The following HCN1 variants were observed in gnomAD, a reference collection of about 807,000 sequenced individuals.
HCN1 encodes hyperpolarization activated cyclic nucleotide gated potassium channel 1.
In HCN1, 13 loss-of-function variants were observed where a neutral mutation model predicts 78.9. That is an observed-to-expected ratio of 0.16 (90% confidence interval 0.11 to 0.26). The LOEUF is 0.26. Ranked by LOEUF, HCN1 falls within the 10% of genes least tolerant of loss-of-function variation. HCN1 has a pLI of 1.00. For missense variants in HCN1, 810 were observed against 1,154.3 expected (o/e 0.70, Z 4.32); for synonymous variants, 552 against 455.5 (o/e 1.21, Z -2.70).
chr5:45,642,476 AAGATGGAAGCAGCTTCCTAT>A (rs1286351427), intron 2 of HCN1: 1 of 152,102 alleles, frequency 6.6e-6, no homozygotes, highest in Non-Finnish European at 1.5e-5. Context: ...TGTATTGTTG[AAGATGGAAGCAGCTTCCTAT>A]AGAAGGCAGC....
At chr5:45,300,790 A>G (rs1057094416) in intron 6 of HCN1, among the ~76,000 whole-genome samples, 1 of 151,960 alleles carries the variant, frequency 6.6e-6, no homozygotes, top group Non-Finnish European at 1.5e-5. Flanking sequence ...TTTCCCCTTC[A>G]TTCAAACATT....
In HCN1 at chr5:45,338,348, T is replaced by C. The variant is rs548931291; in HGVS notation, c.1377+14752A>G. Among the ~76,000 whole-genome samples, 4 of 152,274 alleles carry C rather than the reference T, an allele frequency of 2.6e-5. No individual in the cohort carries two copies. The South Asian group carries it at 8.3e-4, about 32-fold the overall frequency. On this transcript the variant is annotated intron_variant, in intron 5 of 7. Coordinates refer to ENST00000303230, the MANE Select transcript of HCN1 (RefSeq NM_021072.4). ...TATATTAATGCCTCAAATTATGCAA[T>C]ACTTTCATAAGCTTTCTTATTTAAT...
At chr5:45,660,314 G>T (rs1284432476) in intron 1 of HCN1, among the ~76,000 whole-genome samples, 1 of 109,762 alleles carries the variant, frequency 9.1e-6, no homozygotes, top group African/African-American at 4.6e-5. Flanking sequence ...CGCTAAACAT[G>T]GAAAGGAACA....
chr5:45,294,122 G>A (rs1249539189), intron 6 of HCN1, among the ~76,000 whole-genome samples: 4 of 151,884 alleles, frequency 2.6e-5, no homozygotes, highest in Admixed American at 6.6e-5. Context: ...ACCAGCATGA[G>A]GTTAAACAAA....
intron 1 of HCN1, among the ~76,000 whole-genome samples, chr5:45,669,313 A>G (rs1336665731): frequency 6.6e-6 from 1 of 151,836 alleles, no homozygotes; most frequent in Non-Finnish European, 1.5e-5. Flanking sequence ...AAGTTGAAGG[A>G]GTCAAATATA....
At chr5:45,327,571 T>C (rs1746260261) in intron 5 of HCN1, among the ~76,000 whole-genome samples, 1 of 151,642 alleles carries the variant, frequency 6.6e-6, no homozygotes, top group South Asian at 2.1e-4. Context: ...TAGTTAGATT[T>C]TTATGGGACA....
intron 4 of HCN1, among the ~76,000 whole-genome samples, chr5:45,363,485 T>C (rs1747166798): frequency 6.6e-6 from 1 of 151,944 alleles, no homozygotes; most frequent in Non-Finnish European, 1.5e-5. Flanking sequence ...TTCTACACAG[T>C]TCCTCAGAGA....
intron 2 of HCN1, among the ~76,000 whole-genome samples, chr5:45,635,690 C>A (rs1745344130): frequency 1.3e-5 from 2 of 152,262 alleles, no homozygotes; most frequent in East Asian, 1.9e-4. Context: ...CACGACTCAT[C>A]TGATACAAAA....
chr5:45,307,817 T>A (rs1745767016), intron 5 of HCN1, among the ~76,000 whole-genome samples: 1 of 152,048 alleles, frequency 6.6e-6, no homozygotes, highest in Non-Finnish European at 1.5e-5. Flanking sequence ...TAATAATGTA[T>A]CAATATTGAG....
intron 2 of HCN1, among the ~76,000 whole-genome samples, chr5:45,512,001 G>T (rs745558766): frequency 6.6e-6 from 1 of 151,960 alleles, no homozygotes; most frequent in South Asian, 2.1e-4. Flanking sequence ...TCTACAAAAG[G>T]AAGTAGTATT....
chr5:45,450,386 T>C (rs1214026393), intron 3 of HCN1, among the ~76,000 whole-genome samples: 1 of 152,230 alleles, frequency 6.6e-6, no homozygotes, highest in Non-Finnish European at 1.5e-5. Flanking sequence ...AAGGAGACTG[T>C]GGTCTTAGTT....
At chr5:45,374,676 C>T (rs754242905) in intron 4 of HCN1, among the ~76,000 whole-genome samples, 4 of 149,882 alleles carry the variant, frequency 2.7e-5, no homozygotes, top group Non-Finnish European at 4.4e-5. Flanking sequence ...TACCAAAACC[C>T]GGCAGAGACA....
chr5:45,486,176 A>G (rs1333448711), intron 2 of HCN1, among the ~76,000 whole-genome samples: 1 of 152,162 alleles, frequency 6.6e-6, no homozygotes, highest in Non-Finnish European at 1.5e-5. Context: ...TCTTGTTGAA[A>G]GCCATATCAA....
At chr5:45,539,691 T>A (rs1350025976) in intron 2 of HCN1, among the ~76,000 whole-genome samples, 1 of 148,630 alleles carries the variant, frequency 6.7e-6, no homozygotes, top group African/African-American at 2.4e-5. Context: ...AACAATATTT[T>A]AAAAAATATT....
intron 2 of HCN1, among the ~76,000 whole-genome samples, chr5:45,473,899 C>A (rs1386228693): frequency 6.6e-6 from 1 of 151,830 alleles, no homozygotes; most frequent in Non-Finnish European, 1.5e-5. Context: ...GTTGCTAAAT[C>A]CAATTAAAAA....
intron 2 of HCN1, among the ~76,000 whole-genome samples, chr5:45,480,535 A>C (rs538279187): frequency 6.6e-6 from 1 of 152,312 alleles, no homozygotes; most frequent in African/African-American, 2.4e-5. Flanking sequence ...AAGGGTGGGC[A>C]TATCAGAGCT....
chr5:45,495,080 A>C (rs1157419550), intron 2 of HCN1, among the ~76,000 whole-genome samples: 6 of 143,594 alleles, frequency 4.2e-5, no homozygotes, highest in South Asian at 4.8e-4. Context: ...CTTGGCGATG[A>C]GGGCTCTTTT....
In HCN1 at chr5:45,339,210, C is replaced by T. The variant is rs115181571; in HGVS notation, c.1377+13890G>A. On this transcript the variant is annotated intron_variant, in intron 5 of 7. Coordinates refer to ENST00000303230, the MANE Select transcript of HCN1 (RefSeq NM_021072.4). ...TACTGCATGCTGGTTACTAGAAATA[C>T]AAGGATATTAAGCACAGCTCCTATC... is the stretch of plus-strand genomic sequence containing the variant. Among the ~76,000 whole-genome samples the T allele has an allele frequency of 6.5e-3, 982 of 152,140 alleles. 7 individuals carry two copies. The highest frequency in any genetic ancestry group is 0.022 in the African/African-American group (917 of 41,514).
At chr5:45,573,425 C>A (rs1385559425) in intron 2 of HCN1, among the ~76,000 whole-genome samples, 1 of 152,002 alleles carries the variant, frequency 6.6e-6, no homozygotes, top group Non-Finnish European at 1.5e-5. Context: ...GCTGTGAATT[C>A]ACTTCATTTA....
Sources: allele counts gnomAD v4.1 joint callset (sites outside exome capture counted in the v4.1 genomes callset), GRCh38; gene constraint gnomAD v4.1.1; transcripts MANE v1.5; gene names NCBI Gene and HGNC (gene_info 2026-07-23, HGNC 2026-07-21).